Variants in ELP3 observed in about 807,000 individuals in gnomAD.
The protein encoded by ELP3 is elongator acetyltransferase complex subunit 3, also known as elongator complex protein 3.
A neutral mutation model predicts 74.9 loss-of-function variants in ELP3; 56 were observed. That is an observed-to-expected ratio of 0.75 (90% CI 0.60 to 0.93). The LOEUF is 0.93. ELP3 is among the 40% of genes least tolerant of loss of function. The pLI is 0.00. For synonymous variants in ELP3, 222 were observed against 239.8 expected (o/e 0.93, Z 0.68); for missense variants, 573 against 686.5 (o/e 0.83, Z 1.85).
At chr8:28,110,277 GA>G in intron 5 of ELP3, 92 bp from the exon 6 acceptor site, 2 of 1,109,116 alleles carry the variant, frequency 1.8e-6, no homozygotes, top group South Asian at 2.7e-5. Flanking sequence ...TCAGTGTTCG[GA>G]ACCATGGAGA....
intron 7 of ELP3, among the ~76,000 whole-genome samples, chr8:28,120,100 C>T (rs1278469553): frequency 6.6e-6 from 1 of 152,132 alleles, no homozygotes; most frequent in Non-Finnish European, 1.5e-5. Flanking sequence ...ATTTATTTCT[C>T]TTGGGGGAAT....
chr8:28,137,568 A>T, intron 9 of ELP3, 130 bp from the exon 10 acceptor site: 4 of 792,140 alleles, frequency 5.0e-6, no homozygotes, highest in Non-Finnish European at 8.2e-6. Flanking sequence ...TGTACGCCCT[A>T]CCTGGTCAGA....
chr8:28,093,428 C>A, intron 1 of ELP3, 195 bp downstream of exon 1: 1 of 665,920 alleles, frequency 1.5e-6, no homozygotes, highest in Non-Finnish European at 2.5e-6. Flanking sequence ...AGCACCCTAC[C>A]CTTCCTCTCT....
intron 1 of ELP3, among the ~76,000 whole-genome samples, chr8:28,094,491 G>A (rs1811173690): frequency 6.6e-6 from 1 of 152,186 alleles, no homozygotes; most frequent in African/African-American, 2.4e-5. Context: ...GGCCAAGGCG[G>A]GTGGATCACT....
chr8:28,106,786 A>T lies in ELP3; in HGVS notation c.329+3A>T. On this transcript the variant is annotated splice_donor_region_variant and intron_variant, in intron 4 of 14. Transcript: ENST00000256398. ...AGTTTTACAGGAAATATATGTGTGT[A>T]AGTATGGTGATTTTATTAAATTGTA... 6.2e-7 allele frequency: 1 copy of T among 1,610,244 alleles called. No individual in the cohort carries two copies. The highest frequency in any genetic ancestry group is 1.1e-5 in the South Asian group (1 of 90,928).
intron 7 of ELP3, among the ~76,000 whole-genome samples, chr8:28,121,682 TTAA>T (rs1378696159): frequency 6.6e-6 from 1 of 152,242 alleles, no homozygotes; most frequent in Non-Finnish European, 1.5e-5. Flanking sequence ...TTTTTATATA[TTAA>T]TGTTATGTCA....
At chr8:28,099,029 G>A (rs2130350550) in intron 2 of ELP3, among the ~76,000 whole-genome samples, 1 of 152,338 alleles carries the variant, frequency 6.6e-6, no homozygotes, top group African/African-American at 2.4e-5. Context: ...AAAGGACTGT[G>A]CCTTGCACAT....
At chr8:28,110,523 G>A (rs1811876288) in intron 6 of ELP3, 85 bp downstream of exon 6, 2 of 1,179,090 alleles carry the variant, frequency 1.7e-6, no homozygotes, top group South Asian at 1.4e-5. Flanking sequence ...AATTGAACCT[G>A]AAATAAGAAT....
intron 12 of ELP3, among the ~76,000 whole-genome samples, chr8:28,159,244 G>T (rs1813969681): frequency 6.6e-6 from 1 of 152,142 alleles, no homozygotes; most frequent in South Asian, 2.1e-4. Flanking sequence ...TGTAGGATTT[G>T]ATTCTCTTGT....
intron 9 of ELP3, among the ~76,000 whole-genome samples, chr8:28,135,818 T>G (rs1812965470): frequency 6.6e-6 from 1 of 152,188 alleles, no homozygotes; most frequent in Admixed American, 6.5e-5. Flanking sequence ...TTTGCTATTT[T>G]CTTTACTTGC....
chr8:28,093,130 T>G, upstream of ELP3: 3 of 1,575,152 alleles, frequency 1.9e-6, no homozygotes, highest in Non-Finnish European at 2.6e-6. Flanking sequence ...ACAGGCGGGA[T>G]TGTTTTGTGG....
At chr8:28,150,547 T>C (rs1166222230) in intron 10 of ELP3, among the ~76,000 whole-genome samples, 2 of 152,166 alleles carry the variant, frequency 1.3e-5, no homozygotes, top group Non-Finnish European at 2.9e-5. Context: ...TGTACTCTCT[T>C]CTTGCTTGCA....
intron 14 of ELP3, among the ~76,000 whole-genome samples, chr8:28,184,981 AAGAG>A (rs1177304539): frequency 2.6e-5 from 4 of 151,962 alleles, no homozygotes; most frequent in Non-Finnish European, 4.4e-5. Flanking sequence ...AAAAAAAAAA[AAGAG>A]AGAGATCTCC....
intron 14 of ELP3, among the ~76,000 whole-genome samples, chr8:28,178,422 AC>A (rs1397223895): frequency 6.6e-6 from 1 of 152,176 alleles, no homozygotes; most frequent in East Asian, 1.9e-4. Flanking sequence ...TCCCTTAACT[AC>A]ATGGTCTAGT....
At chr8:28,108,012 GCATC>G in intron 5 of ELP3, 36 bp downstream of exon 5, 1 of 1,541,478 alleles carries the variant, frequency 6.5e-7, no homozygotes, top group South Asian at 1.1e-5. Flanking sequence ...ATGAAATGTT[GCATC>G]ATGCTTTACC....
intron 7 of ELP3, among the ~76,000 whole-genome samples, chr8:28,128,622 G>T (rs549059657): frequency 3.3e-5 from 5 of 152,318 alleles, no homozygotes; most frequent in African/African-American, 1.2e-4. Context: ...GATTTTATTA[G>T]CTCTGTGCCC....
chr8:28,097,784 CT>C (rs935571796), intron 2 of ELP3, among the ~76,000 whole-genome samples: 3 of 152,184 alleles, frequency 2.0e-5, no homozygotes, highest in African/African-American at 7.2e-5. Context: ...ATTCCAGACA[CT>C]GTTGCTAATG....
chr8:28,135,577 C>T (rs924424232), intron 9 of ELP3, among the ~76,000 whole-genome samples: 2 of 152,216 alleles, frequency 1.3e-5, no homozygotes, highest in African/African-American at 2.4e-5. Context: ...TACCTGGAAT[C>T]TCAGAGCGCA....
intron 10 of ELP3, among the ~76,000 whole-genome samples, chr8:28,140,710 G>C (rs1267656981): frequency 1.3e-5 from 2 of 152,140 alleles, no homozygotes. Context: ...AAAGTTTTGT[G>C]CAGTTTTTTG....
Sources: gnomAD v4.1 joint callset for allele counts (sites outside exome capture counted in the v4.1 genomes callset) on GRCh38, gnomAD v4.1.1 for gene constraint, MANE v1.5 for transcripts, NCBI Gene and HGNC (gene_info 2026-07-23, HGNC 2026-07-21) for gene names.